CSMD1: variants seen among roughly 807,000 people sequenced by gnomAD.
CSMD1 encodes the protein CUB and Sushi multiple domains 1, also known as CUB and sushi domain-containing protein 1.
A neutral mutation model predicts 417.5 loss-of-function variants in CSMD1; 213 were observed. That is an observed-to-expected ratio of 0.51 (90% confidence interval 0.46 to 0.57). The LOEUF is 0.57. CSMD1 is among the 20% of genes least tolerant of loss of function. The probability of loss-of-function intolerance (pLI) is 0.00; values close to 1 mark genes in which losing one functional copy is unlikely to be tolerated. For synonymous variants in CSMD1, 2,862 were observed against 1,736.8 expected (o/e 1.65, Z -16.11); for missense variants, 6,923 against 4,529.7 (o/e 1.53, Z -15.17).
intron 23 of CSMD1, among the ~76,000 whole-genome samples, chr8:3,333,805 G>A: frequency 6.6e-6 from 1 of 152,172 alleles, no homozygotes; most frequent in East Asian, 1.9e-4. Flanking sequence ...TAAAAAGCAA[G>A]AAGGCAGTGA....
chr8:4,670,905 T>C (rs959844096), intron 1 of CSMD1, among the ~76,000 whole-genome samples: 3 of 152,204 alleles, frequency 2.0e-5, no homozygotes, highest in African/African-American at 7.2e-5. Flanking sequence ...GAAATTTTAG[T>C]GACAAGGATA....
chr8:3,835,125 G>A (rs982524107), intron 5 of CSMD1, among the ~76,000 whole-genome samples: 1 of 147,362 alleles, frequency 6.8e-6, no homozygotes, highest in African/African-American at 2.6e-5. Context: ...TGGTGGGACT[G>A]TAAACTAGTC....
At chr8:4,291,808 C>G (rs867169370) in intron 3 of CSMD1, among the ~76,000 whole-genome samples, 15 of 152,300 alleles carry the variant, frequency 9.8e-5, no homozygotes, top group African/African-American at 2.4e-4. Context: ...ATATCTGGTT[C>G]TGAAATGTCA....
intron 7 of CSMD1, among the ~76,000 whole-genome samples, chr8:3,627,064 C>G (rs539433574): frequency 1.3e-5 from 2 of 152,174 alleles, no homozygotes; most frequent in African/African-American, 4.8e-5. Context: ...ATTAAATTAT[C>G]TGGTTGAGAA....
At chr8:3,854,209 A>G in intron 5 of CSMD1, among the ~76,000 whole-genome samples, 1 of 149,614 alleles carries the variant, frequency 6.7e-6, no homozygotes. Context: ...ATGCTTTGGG[A>G]ACACTTAAAA....
intron 3 of CSMD1, among the ~76,000 whole-genome samples, chr8:4,251,516 A>C (rs993799638): frequency 3.9e-5 from 6 of 152,214 alleles, no homozygotes; most frequent in Non-Finnish European, 1.5e-5. Context: ...AGTTATATCA[A>C]AATAAATAGC....
intron 3 of CSMD1, among the ~76,000 whole-genome samples, chr8:4,325,324 GT>G (rs1554431779): frequency 1.3e-5 from 2 of 152,116 alleles, no homozygotes. Flanking sequence ...GAAACCAGTA[GT>G]TGGAGGTGGA....
At chr8:2,942,237 G>A (rs1037356815) in intron 69 of CSMD1, among the ~76,000 whole-genome samples, 43 of 151,868 alleles carry the variant, frequency 2.8e-4, no homozygotes, top group Non-Finnish European at 2.6e-4. Context: ...GAATACCTGA[G>A]TGATGGGTTG....
intron 3 of CSMD1, among the ~76,000 whole-genome samples, chr8:4,384,014 C>A (rs1353693270): frequency 2.0e-5 from 3 of 151,244 alleles, no homozygotes; most frequent in Non-Finnish European, 2.9e-5. Flanking sequence ...ATCCAGGGAC[C>A]ACCCCCCGCC....
chr8:4,698,130 A>C (rs927626821), intron 1 of CSMD1, among the ~76,000 whole-genome samples: 9 of 116,184 alleles, frequency 7.7e-5, no homozygotes, highest in Non-Finnish European at 1.5e-4. Flanking sequence ...TGCTTTGAAT[A>C]CTGGGTTTTT....
chr8:4,165,997 T>C (rs984904411), intron 3 of CSMD1, among the ~76,000 whole-genome samples: 2 of 152,208 alleles, frequency 1.3e-5, no homozygotes, highest in African/African-American at 4.8e-5. Flanking sequence ...TTTGCAATTA[T>C]GGGACTGTAC....
At position 3,018,598 on chromosome 8, in the gene CSMD1, C is replaced by A. The variant is rs374916113; in HGVS notation, c.7908G>T (p.Thr2636=). 1 of 1,613,418 alleles carries A rather than the reference C, an allele frequency of 6.2e-7. No homozygotes were observed. The highest frequency in any genetic ancestry group is 8.5e-7 in the Non-Finnish European group (1 of 1,179,724). The change falls in exon 52 of 70, where the codon ACG becomes ACT. Residue 2636 remains threonine (T), a synonymous_variant. Coordinates refer to ENST00000635120, the MANE Select transcript of CSMD1 (RefSeq NM_033225.6). ...SFPPNGNKIG[T]LTVYGATAIF... is the part of the protein sequence containing the mutation. ...TAGCTGTGGCCCCATAAACTGTCAA[C>A]GTTCCAATCTTGTTGCCATTTGGGG...
intron 10 of CSMD1, among the ~76,000 whole-genome samples, chr8:3,534,200 T>C (rs899940887): frequency 2.0e-5 from 3 of 152,312 alleles, no homozygotes; most frequent in South Asian, 2.1e-4. Flanking sequence ...TACTCACTCC[T>C]GCAATGCCAC....
intron 18 of CSMD1, 111 bp from the exon 19 acceptor site, chr8:3,369,481 T>A: frequency 6.5e-6 from 4 of 619,676 alleles, no homozygotes; most frequent in Non-Finnish European, 1.2e-5. Flanking sequence ...AAATTTAATG[T>A]CATATCCAAG....
chr8:4,952,226 G>A (rs948986956), intron 1 of CSMD1, among the ~76,000 whole-genome samples: 11 of 151,862 alleles, frequency 7.2e-5, no homozygotes, highest in Non-Finnish European at 1.5e-4. Context: ...TGTTTGCTCC[G>A]TGGAGTTAAT....
Position 4,461,150 on chromosome 8 carries a change from C to G in CSMD1, c.303-41085G>C, listed in dbSNP as rs1473183197. Among the ~76,000 whole-genome samples, 2 of 80,136 alleles carry G rather than the reference C, an allele frequency of 2.5e-5. 1 individual carries two copies. The highest frequency in any genetic ancestry group is 8.9e-5 in the African/African-American group (2 of 22,584). 52.6% of individuals were successfully genotyped at this position (80,136 alleles called of 152,430 possible). Reference sequence around the variant, plus strand: ...TGCCATAACAATAAAATAAAGTCAGCTGATTGTCTTACCAGATAAAAAGTG... The same window carrying G: ...TGCCATAACAATAAAATAAAGTCAGGTGATTGTCTTACCAGATAAAAAGTG... On this transcript the variant is annotated intron_variant, in intron 2 of 69. Transcript: ENST00000635120.
At chr8:3,359,715 G>C (rs1181647241) in intron 20 of CSMD1, among the ~76,000 whole-genome samples, 1 of 152,052 alleles carries the variant, frequency 6.6e-6, no homozygotes, top group Non-Finnish European at 1.5e-5. Context: ...TAATAATACA[G>C]TGTACATTTC....
intron 17 of CSMD1, among the ~76,000 whole-genome samples, chr8:3,392,762 ATGTT>A (rs901069451): frequency 1.3e-5 from 2 of 152,072 alleles, no homozygotes. Context: ...GTGCACTATG[ATGTT>A]TGAAGAAACC....
chr8:4,488,112 A>G (rs946457926), intron 2 of CSMD1, among the ~76,000 whole-genome samples: 57 of 152,188 alleles, frequency 3.7e-4, no homozygotes, highest in Middle Eastern at 3.2e-3. Flanking sequence ...ATAAATAAGA[A>G]AGCAGGGTCT....
Sources: allele counts gnomAD v4.1 joint callset (sites outside exome capture counted in the v4.1 genomes callset), GRCh38; gene constraint gnomAD v4.1.1; transcripts MANE v1.5; gene names NCBI Gene and HGNC (gene_info 2026-07-23, HGNC 2026-07-21).